Variants in CDK5RAP2 observed in about 807,000 individuals in gnomAD.
The protein encoded by CDK5RAP2 is CDK5 regulatory subunit associated protein 2.
Under a neutral mutation model 232.9 loss-of-function variants are expected in CDK5RAP2, and 147 were observed. That is an observed-to-expected ratio of 0.63 (90% CI 0.55 to 0.72). The LOEUF is 0.72. Ranked by LOEUF, CDK5RAP2 falls within the 30% of genes least tolerant of loss-of-function variation. The pLI is 0.00. For synonymous variants in CDK5RAP2, 833 were observed against 833.7 expected, an observed-to-expected ratio of 1.00 and a Z score of 0.01; for missense variants, 2,195 against 2,231.5, an observed-to-expected ratio of 0.98 and a Z score of 0.33.
intron 25 of CDK5RAP2, among the ~76,000 whole-genome samples, chr9:120,436,848 G>A (rs540273887): frequency 2.0e-5 from 3 of 152,080 alleles, no homozygotes; most frequent in East Asian, 1.9e-4. Flanking sequence ...TTAACTCTTC[G>A]ATATACTTTT....
chr9:120,563,246 G>C (rs1037388764), intron 3 of CDK5RAP2, among the ~76,000 whole-genome samples: 2 of 152,156 alleles, frequency 1.3e-5, no homozygotes, highest in Non-Finnish European at 2.9e-5. Flanking sequence ...CTGGCACAGG[G>C]ACAAGCTGGG....
At chr9:120,518,165 CTGTGTGTGTGTGTGTGTGTG>C (rs56032707) in intron 12 of CDK5RAP2, among the ~76,000 whole-genome samples, 21 of 111,252 alleles carry the variant, frequency 1.9e-4, no homozygotes, top group Non-Finnish European at 3.4e-4. Context: ...GATAACAACT[CTGTGTGTGTGTGTGTGTGTG>C]TGTGTGTGTG....
intron 28 of CDK5RAP2, among the ~76,000 whole-genome samples, chr9:120,413,806 G>A (rs899350617): frequency 2.1e-5 from 3 of 142,554 alleles, no homozygotes; most frequent in Non-Finnish European, 3.1e-5. Context: ...GGCGCAGTGA[G>A]CGAGGAGGGA....
rs760229028 is a variant in CDK5RAP2 at position 120,458,584 on chromosome 9, T to C, written c.2241A>G (p.Gly747=). 6.2e-7 allele frequency: 1 copy of C among 1,614,042 alleles called. No homozygotes were observed. Among genetic ancestry groups the C allele is most frequent in the African/African-American group, 1.3e-5 (1 of 74,904 alleles). Reference sequence around the variant, plus strand: ...TCTTAGACTCCGTGTGCCTTAAGTATCCATTTTTGCAGCCTCCTTTGGAAA... The same window carrying C: ...TCTTAGACTCCGTGTGCCTTAAGTACCCATTTTTGCAGCCTCCTTTGGAAA... ...KDLSKGGCKN[G]YLRHTESKIS... The change falls in exon 20 of 38, where the codon GGA becomes GGG. Residue 747 remains glycine (G), a synonymous_variant. Coordinates refer to ENST00000349780, the MANE Select transcript of CDK5RAP2 (RefSeq NM_018249.6).
At chr9:120,570,920 G>A (rs544076671) in intron 2 of CDK5RAP2, among the ~76,000 whole-genome samples, 71 of 152,324 alleles carry the variant, frequency 4.7e-4, no homozygotes, top group Middle Eastern at 6.8e-3. Context: ...CCAGCACTTC[G>A]GGAAGCTGAG....
intron 25 of CDK5RAP2, among the ~76,000 whole-genome samples, chr9:120,423,612 G>A (rs1014136374): frequency 6.6e-6 from 1 of 152,202 alleles, no homozygotes; most frequent in African/African-American, 2.4e-5. Flanking sequence ...ATTTCAAAGA[G>A]ACTAACAACT....
chr9:120,418,921 C>T (rs1255490655), intron 27 of CDK5RAP2, among the ~76,000 whole-genome samples: 2 of 152,188 alleles, frequency 1.3e-5, no homozygotes, highest in Admixed American at 1.3e-4. Flanking sequence ...CACCTGCTAA[C>T]TCAGTCCATG....
At chr9:120,404,371 A>G (rs2033288497) in intron 32 of CDK5RAP2, among the ~76,000 whole-genome samples, 1 of 152,238 alleles carries the variant, frequency 6.6e-6, no homozygotes, top group African/African-American at 2.4e-5. Context: ...AGTGTGATCA[A>G]GGACAAGGGA....
In CDK5RAP2 at chr9:120,453,820, G is replaced by A. The variant is rs1316742980; in HGVS notation, c.2429C>T (p.Thr810Ile). The A allele has an allele frequency of 5.0e-6, 8 of 1,614,068 alleles. No homozygotes were observed. Among genetic ancestry groups the A allele is most frequent in the African/African-American group, 1.3e-5 (1 of 74,918 alleles). The change falls in exon 21 of 38, where the codon ACA (threonine) becomes ATA (isoleucine). Residue 810 changes from threonine to isoleucine, a missense_variant. Coordinates refer to ENST00000349780, the MANE Select transcript of CDK5RAP2 (RefSeq NM_018249.6). ...GTGTTCTCCAGAAACTTCCTGCTCT[G>A]TCAAGAATAGTTGTCCCAGAAGCAG... ...RELLLGQLFL[T>I]EQEVSGEHLD...
rs768057310 is a variant in CDK5RAP2, at chr9:120,467,857, T to C, written c.2106+3A>G. 4 of 1,613,988 alleles carry C rather than the reference T, an allele frequency of 2.5e-6. No individual in the cohort carries two copies. Among genetic ancestry groups the C allele is most frequent in the South Asian group, 1.1e-5 (1 of 91,080 alleles). On this transcript the variant is annotated splice_donor_region_variant and intron_variant, in intron 18 of 37. Coordinates refer to ENST00000349780, the MANE Select transcript of CDK5RAP2 (RefSeq NM_018249.6). Reference sequence around the variant, plus strand: ...AGCACATGACAACAAAAATGTTTCTTACCTCTGTTTGTTCTGTAGACGCAA... The same window carrying C: ...AGCACATGACAACAAAAATGTTTCTCACCTCTGTTTGTTCTGTAGACGCAA...
chr9:120,574,252 T>C (rs1298275959), intron 1 of CDK5RAP2, among the ~76,000 whole-genome samples: 1 of 152,198 alleles, frequency 6.6e-6, no homozygotes, highest in Non-Finnish European at 1.5e-5. Context: ...TAAAATGCTA[T>C]GAATCTGTCA....
At chr9:120,568,499 CG>C in intron 2 of CDK5RAP2, 111 bp from the exon 3 acceptor site, 1 of 812,738 alleles carries the variant, frequency 1.2e-6, no homozygotes, top group Non-Finnish European at 2.2e-6. Flanking sequence ...CCACAGTACA[CG>C]CGGCTGGTAC....
chr9:120,496,754 C>T (rs867258881), intron 12 of CDK5RAP2, among the ~76,000 whole-genome samples: 1 of 114,590 alleles, frequency 8.7e-6, no homozygotes, highest in Non-Finnish European at 1.8e-5. Flanking sequence ...CAGCCCCCCG[C>T]CCGGCCAGCC....
At chr9:120,455,538 C>A (rs763357409) in intron 20 of CDK5RAP2, among the ~76,000 whole-genome samples, 1 of 151,890 alleles carries the variant, frequency 6.6e-6, no homozygotes, top group African/African-American at 2.4e-5. Flanking sequence ...CTCACAAATT[C>A]GAGACCAGAC....
At chr9:120,522,528 A>G (rs1475254958) in intron 11 of CDK5RAP2, among the ~76,000 whole-genome samples, 2 of 152,260 alleles carry the variant, frequency 1.3e-5, no homozygotes. Flanking sequence ...GAGTTTACTG[A>G]TGATTTCTAT....
intron 28 of CDK5RAP2, among the ~76,000 whole-genome samples, chr9:120,412,142 A>G (rs1185597920): frequency 6.6e-6 from 1 of 152,192 alleles, no homozygotes; most frequent in Non-Finnish European, 1.5e-5. Flanking sequence ...TCTCTACTCA[A>G]AAACATCTGA....
intron 3 of CDK5RAP2, among the ~76,000 whole-genome samples, chr9:120,556,720 C>A (rs770778750): frequency 1.3e-5 from 2 of 152,184 alleles, no homozygotes; most frequent in Non-Finnish European, 1.5e-5. Flanking sequence ...TGACCCACCA[C>A]ACCCGGCCCA....
At position 120,580,071 on chromosome 9, in the gene CDK5RAP2, C is replaced by G; in HGVS notation, c.-93G>C. The G allele has an allele frequency of 1.3e-6, 1 of 742,056 alleles. No homozygotes were observed. Among genetic ancestry groups the G allele is most frequent in the South Asian group, 1.5e-5 (1 of 66,020 alleles). The allele number at this position is 742,056 out of a possible 1,614,324, so 46.0% of individuals were successfully genotyped here. A position where few individuals can be genotyped will look rare whatever the true frequency, so the allele number is the denominator to read the frequency against. On this transcript the variant is annotated 5_prime_UTR_variant, in exon 1 of 38. Coordinates refer to ENST00000349780, the MANE Select transcript of CDK5RAP2 (RefSeq NM_018249.6). ...ACCCGCCGGGCTCCCCAGGTCCCCG[C>G]CCCCTCCACCCCAGCTCTTGTTCAG... is the stretch of plus-strand genomic sequence containing the variant.
intron 12 of CDK5RAP2, among the ~76,000 whole-genome samples, chr9:120,509,386 G>C (rs1216280756): frequency 3.9e-5 from 6 of 152,188 alleles, no homozygotes; most frequent in Non-Finnish European, 7.3e-5. Flanking sequence ...CGGATACACT[G>C]AGCATCAACT....
Sources: gnomAD v4.1 joint callset for allele counts (sites outside exome capture counted in the v4.1 genomes callset) on GRCh38, gnomAD v4.1.1 for gene constraint, MANE v1.5 for transcripts, NCBI Gene and HGNC (gene_info 2026-07-23, HGNC 2026-07-21) for gene names.